CFAP54: variants seen among roughly 807,000 people sequenced by gnomAD.
The protein encoded by CFAP54 is cilia and flagella associated protein 54.
Under a neutral mutation model 370.4 loss-of-function variants are expected in CFAP54, and 290 were observed. That is an observed-to-expected ratio of 0.78 (90% confidence interval 0.71 to 0.86). The LOEUF is 0.86. Among genes scored for constraint, CFAP54 ranks in the 40% least tolerant of loss-of-function variants. The pLI is 0.00. For synonymous variants in CFAP54, 1,206 were observed against 1,236.5 expected (o/e 0.98, Z 0.52); for missense variants, 3,399 against 3,528.7 (o/e 0.96, Z 0.93).
rs539720721 is a variant in CFAP54 at position 96,684,771 on chromosome 12, G to T, written c.5804+36G>T. 29 of 1,502,650 alleles carry T rather than the reference G, an allele frequency of 1.9e-5. No homozygotes were observed. In the East Asian group the frequency reaches 4.1e-4, roughly 21 times the overall value. 93.1% of individuals were successfully genotyped at this position (1,502,650 alleles called of 1,614,324 possible). A position where few individuals can be genotyped will look rare whatever the true frequency, so the allele number is the denominator to read the frequency against. ...AGAAGTCTGTAGAACAAGGGCAAAGGTTTTTTATTTGCTTGTTTGAAGAAG... is the reference window on the plus strand; with the variant it reads ...AGAAGTCTGTAGAACAAGGGCAAAGTTTTTTTATTTGCTTGTTTGAAGAAG... On this transcript the variant is annotated intron_variant, in intron 41 of 67. Coordinates refer to ENST00000524981, the MANE Select transcript of CFAP54 (RefSeq NM_001306084.2).
rs1955727359 is a variant in CFAP54, at chr12:96,554,167, A to G, written c.2155-15A>G. The G allele has an allele frequency of 6.9e-7, 1 of 1,452,892 alleles. No homozygotes were observed. Among genetic ancestry groups the G allele is most frequent in the South Asian group, 1.4e-5 (1 of 73,546 alleles). 90.0% of individuals were successfully genotyped at this position (1,452,892 alleles called of 1,614,324 possible). ...CTTGTTTTATTTTTCTTTTTTGTTT[A>G]TAAAATTATTTTAGAAAAATCCTGT... On this transcript the variant is annotated splice_polypyrimidine_tract_variant and intron_variant, in intron 15 of 67. Transcript: ENST00000524981.
chr12:96,649,035 C>A (rs931605620), intron 34 of CFAP54, among the ~76,000 whole-genome samples: 1 of 152,148 alleles, frequency 6.6e-6, no homozygotes, highest in Non-Finnish European at 1.5e-5. Flanking sequence ...AAATTTATTT[C>A]TAATGCCTTT....
intron 45 of CFAP54, among the ~76,000 whole-genome samples, chr12:96,699,558 T>C (rs545156068): frequency 6.6e-6 from 1 of 152,228 alleles, no homozygotes; most frequent in Non-Finnish European, 1.5e-5. Context: ...GTCTCCCAGT[T>C]TGACTTGCCT....
At position 96,554,302 on chromosome 12, in the gene CFAP54, T is replaced by A. The variant is rs1302876955; in HGVS notation, c.2275T>A (p.Tyr759Asn). ...PNGSSVIDHC[Y>N]AKRTHHIDGD... is the part of the protein sequence containing the mutation. ...TGGATCATCAGTAATTGACCACTGC[T>A]ATGCCAAGGTAAGAATGGAAGAGTC... The change falls in exon 16 of 68, where the codon TAT (tyrosine) becomes AAT (asparagine). Residue 759 changes from tyrosine to asparagine, a missense_variant. By Grantham distance (143) the Tyr-to-Asn change is moderately radical. Transcript: ENST00000524981. 1 of 1,513,986 alleles carries A rather than the reference T, an allele frequency of 6.6e-7. No homozygotes were observed. Among genetic ancestry groups the A allele is most frequent in the Non-Finnish European group, 8.8e-7 (1 of 1,139,688 alleles). 93.8% of individuals were successfully genotyped at this position (1,513,986 alleles called of 1,614,324 possible). A position where few individuals can be genotyped will look rare whatever the true frequency, so the allele number is the denominator to read the frequency against.
At chr12:96,790,883 T>G (rs923237877) in intron 62 of CFAP54, among the ~76,000 whole-genome samples, 109 of 152,362 alleles carry the variant, frequency 7.2e-4, no homozygotes, top group African/African-American at 2.5e-3. Context: ...TTTTCTTTTA[T>G]CAGTAGACAA....
rs1296844776 is a variant in CFAP54 at position 96,647,987 on chromosome 12, G to A, written c.4660G>A (p.Ala1554Thr). Residue 1554 changes from alanine to threonine, a missense_variant, in exon 34 of 68, where the codon GCC (alanine) becomes ACC (threonine). By Grantham distance (58) the Ala-to-Thr change is moderately conservative (BLOSUM62 0). This residue lies in a region of CFAP54 where 2,796 missense variants were observed against 2,869.7 expected (regional missense o/e 0.97). Coordinates refer to ENST00000524981, the MANE Select transcript of CFAP54 (RefSeq NM_001306084.2). ...AGCAATGCTTGATTTCCTTCTTACA[G>A]CCAAAAAAAGAAAGGCCAACTTACC... is the stretch of plus-strand genomic sequence containing the variant. ...YKAMLDFLLT[A>T]KKRKANLPSD... is the part of the protein sequence containing the mutation. The A allele has an allele frequency of 6.6e-7, 1 of 1,507,042 alleles. No homozygotes were observed. Among genetic ancestry groups the A allele is most frequent in the Non-Finnish European group, 8.8e-7 (1 of 1,139,064 alleles). The allele number at this position is 1,507,042 out of a possible 1,614,324, so 93.4% of individuals were successfully genotyped here.
At chr12:96,553,441 G>T (rs1487646324) in intron 15 of CFAP54, among the ~76,000 whole-genome samples, 3 of 149,974 alleles carry the variant, frequency 2.0e-5, no homozygotes, top group East Asian at 3.9e-4. Flanking sequence ...TACCTCTGGG[G>T]CAGAGAAGAG....
chr12:96,721,109 A>G (rs1169188142), intron 50 of CFAP54, among the ~76,000 whole-genome samples: 1 of 152,228 alleles, frequency 6.6e-6, no homozygotes, highest in Non-Finnish European at 1.5e-5. Context: ...AGAATGAACA[A>G]ATTAACAATG....
At chr12:96,618,964 A>G (rs763772603) in intron 26 of CFAP54, among the ~76,000 whole-genome samples, 1 of 152,154 alleles carries the variant, frequency 6.6e-6, no homozygotes, top group Non-Finnish European at 1.5e-5. Flanking sequence ...TCCCTAGCTC[A>G]AGCAATCCTC....
intron 5 of CFAP54, among the ~76,000 whole-genome samples, chr12:96,516,464 A>C (rs1169255762): frequency 6.6e-6 from 1 of 152,190 alleles, no homozygotes; most frequent in Non-Finnish European, 1.5e-5. Flanking sequence ...TCCTAAAGAC[A>C]TCCTGAAAAC....
At chr12:96,554,886 G>T in intron 17 of CFAP54, 84 bp downstream of exon 17, 1 of 1,259,566 alleles carries the variant, frequency 7.9e-7, no homozygotes, top group East Asian at 3.0e-5. Flanking sequence ...TGAAAACTGT[G>T]TTCTTGTTGA....
rs183179258 is a variant in CFAP54, at chr12:96,580,810, A to G, written c.2890-110A>G. The stretch of plus-strand genomic sequence containing the variant: ...CCACCTGAATCATAACTAAAATCCA[A>G]CAATGAAAGAAAAAGGTTTTTTTTT... On this transcript the variant is annotated intron_variant, in intron 21 of 67. Coordinates refer to ENST00000524981, the MANE Select transcript of CFAP54 (RefSeq NM_001306084.2). 3.6e-6 allele frequency: 4 copies of G among 1,120,900 alleles called. No individual in the cohort carries two copies. In the Admixed American group the frequency reaches 1.0e-4, roughly 29 times the overall value. The allele number at this position is 1,120,900 out of a possible 1,614,324, so 69.4% of individuals were successfully genotyped here.
At chr12:96,647,469 T>TC (rs1238676137) in intron 33 of CFAP54, among the ~76,000 whole-genome samples, 5 of 14,660 alleles carry the variant, frequency 3.4e-4, no homozygotes, top group Admixed American at 2.8e-3. Context: ...CGAGACTCTG[T>TC]CCCAAAAAAA....
chr12:96,808,278 G>T (rs1224733353), intron 63 of CFAP54, among the ~76,000 whole-genome samples: 1 of 152,008 alleles, frequency 6.6e-6, no homozygotes, highest in Non-Finnish European at 1.5e-5. Context: ...CATCTTAAGA[G>T]TCCCATTCGT....
At chr12:96,545,147 A>C (rs746478825) in intron 14 of CFAP54, among the ~76,000 whole-genome samples, 1 of 152,094 alleles carries the variant, frequency 6.6e-6, no homozygotes, top group East Asian at 1.9e-4. Context: ...TCCTGACCTC[A>C]GGTGATCCAC....
chr12:96,607,466 A>G (rs815885), intron 26 of CFAP54, among the ~76,000 whole-genome samples: 120,307 of 152,136 alleles, frequency 0.79, 47,744 homozygotes, highest in East Asian at 0.86. Flanking sequence ...AATAGATGAA[A>G]ATTATGGTTA....
chr12:96,753,510 A>G (rs1958214465), intron 55 of CFAP54, among the ~76,000 whole-genome samples: 1 of 152,064 alleles, frequency 6.6e-6, no homozygotes, highest in East Asian at 2.0e-4. Flanking sequence ...TTAAAAAAGA[A>G]GAAAACATGT....
intron 38 of CFAP54, among the ~76,000 whole-genome samples, chr12:96,660,116 T>C (rs1318952409): frequency 6.6e-6 from 1 of 152,212 alleles, no homozygotes; most frequent in African/African-American, 2.4e-5. Context: ...AAGGGTGATC[T>C]AGAAGACTTC....
At chr12:96,541,208 A>G (rs1018994599) in intron 14 of CFAP54, among the ~76,000 whole-genome samples, 4 of 151,682 alleles carry the variant, frequency 2.6e-5, no homozygotes, top group Admixed American at 1.3e-4. Context: ...TTGTCTTCTC[A>G]TATTCCTTTT....
Sources: allele counts gnomAD v4.1 joint callset (sites outside exome capture counted in the v4.1 genomes callset), GRCh38; gene constraint gnomAD v4.1.1; regional missense constraint gnomAD v4.1.1; transcripts MANE v1.5; gene names NCBI Gene and HGNC (gene_info 2026-07-23, HGNC 2026-07-21).